TMEM108: variants seen among roughly 807,000 people sequenced by gnomAD.
TMEM108 encodes the protein cancer/testis antigen 124.
In TMEM108, 12 loss-of-function variants were observed where a neutral mutation model predicts 35.1. That is an observed-to-expected ratio of 0.34 (90% CI 0.22 to 0.55). The LOEUF is 0.55. TMEM108 is among the 20% of genes least tolerant of loss of function. TMEM108 has a pLI of 0.89. For missense variants in TMEM108, 680 were observed against 753.3 expected (o/e 0.90, Z 1.14); for synonymous variants, 287 against 308.6 (o/e 0.93, Z 0.73).
intron 4 of TMEM108, among the ~76,000 whole-genome samples, chr3:133,381,787 A>G (rs2073020165): frequency 6.6e-6 from 1 of 152,230 alleles, no homozygotes; most frequent in African/African-American, 2.4e-5. Flanking sequence ...GAAGTTCTAT[A>G]GCTTTGGCAA....
At chr3:133,256,246 G>A (rs978802031) in intron 3 of TMEM108, among the ~76,000 whole-genome samples, 7 of 152,184 alleles carry the variant, frequency 4.6e-5, no homozygotes, top group Admixed American at 6.5e-5. Flanking sequence ...ATTAAAGCAC[G>A]AGGGTAAAAT....
intron 3 of TMEM108, among the ~76,000 whole-genome samples, chr3:133,347,918 G>A (rs1468282316): frequency 6.6e-6 from 1 of 151,994 alleles, no homozygotes; most frequent in African/African-American, 2.4e-5. Context: ...TGAAGAGAGA[G>A]ATCACATTCT....
chr3:133,356,155 C>T (rs1034988326), intron 3 of TMEM108, among the ~76,000 whole-genome samples: 3 of 151,872 alleles, frequency 2.0e-5, no homozygotes, highest in Admixed American at 6.6e-5. Context: ...GTACACAAAT[C>T]AGTAGTACTG....
chr3:133,086,930 A>G (rs935317540), intron 2 of TMEM108, among the ~76,000 whole-genome samples: 1 of 152,218 alleles, frequency 6.6e-6, no homozygotes, highest in African/African-American at 2.4e-5. Flanking sequence ...TTACATCACA[A>G]AATGATTCAG....
At chr3:133,046,577 C>A (rs549780301) in intron 2 of TMEM108, among the ~76,000 whole-genome samples, 1 of 152,298 alleles carries the variant, frequency 6.6e-6, no homozygotes. Flanking sequence ...CACTGGAAGT[C>A]ACATGCCCAT....
intron 2 of TMEM108, among the ~76,000 whole-genome samples, chr3:133,106,096 T>G (rs1434672918): frequency 6.6e-6 from 1 of 151,032 alleles, no homozygotes; most frequent in East Asian, 1.9e-4. Flanking sequence ...AAGTGCAGAA[T>G]ATGGGAAGAC....
chr3:133,059,370 CTT>C (rs1246077548), intron 2 of TMEM108, among the ~76,000 whole-genome samples: 1 of 151,862 alleles, frequency 6.6e-6, no homozygotes, highest in Non-Finnish European at 1.5e-5. Flanking sequence ...GCTGGAGTGA[CTT>C]TTTTTTGGAA....
chr3:133,144,125 C>T lies in TMEM108; in HGVS notation c.-46-85141C>T, dbSNP rs930851096. On this transcript the variant is annotated intron_variant, in intron 2 of 5. Transcript: ENST00000321871. Reference sequence around the variant, plus strand: ...CTCCTAATGCTGTCTCTCCCCTAGCCGCCCACACCCTGACAGGCCCTGGTG... The same window carrying T: ...CTCCTAATGCTGTCTCTCCCCTAGCTGCCCACACCCTGACAGGCCCTGGTG... Among the ~76,000 whole-genome samples, 15 of 152,066 alleles carry T rather than the reference C, an allele frequency of 9.9e-5. No homozygotes were observed. The South Asian group carries it at 1.0e-3, about 11-fold the overall frequency.
At chr3:133,275,322 C>G (rs937361330) in intron 3 of TMEM108, among the ~76,000 whole-genome samples, 37 of 152,020 alleles carry the variant, frequency 2.4e-4, no homozygotes, top group African/African-American at 8.5e-4. Context: ...AAATAAAAAG[C>G]AAGTAAAATT....
chr3:133,326,202 G>T (rs1019698067), intron 3 of TMEM108, among the ~76,000 whole-genome samples: 3 of 152,128 alleles, frequency 2.0e-5, no homozygotes, highest in African/African-American at 7.2e-5. Flanking sequence ...ATTAGATTGG[G>T]GGCAAGCCTG....
intron 2 of TMEM108, among the ~76,000 whole-genome samples, chr3:133,056,268 T>C (rs949239210): frequency 3.3e-5 from 5 of 152,218 alleles, no homozygotes; most frequent in African/African-American, 1.2e-4. Flanking sequence ...CCCAAACTGG[T>C]CCTTGGTCCC....
chr3:133,378,399 G>A (rs368766365), intron 3 of TMEM108: 56 of 985,488 alleles, frequency 5.7e-5, no homozygotes, highest in African/African-American at 5.1e-4. Context: ...TGCTTTGGCC[G>A]TTTGTCCTGC....
At chr3:133,073,540 T>G (rs1943704796) in intron 2 of TMEM108, among the ~76,000 whole-genome samples, 2 of 103,130 alleles carry the variant, frequency 1.9e-5, no homozygotes, top group East Asian at 2.5e-4. Context: ...ATATATCACA[T>G]TTTCTTTATC....
chr3:133,242,757 A>T (rs78919921), intron 3 of TMEM108, among the ~76,000 whole-genome samples: 1 of 152,334 alleles, frequency 6.6e-6, no homozygotes, highest in East Asian at 1.9e-4. Flanking sequence ...AGTGAGTCAG[A>T]TTAACACTGA....
chr3:133,166,055 A>T (rs532322015), intron 2 of TMEM108, among the ~76,000 whole-genome samples: 1 of 152,370 alleles, frequency 6.6e-6, no homozygotes, highest in African/African-American at 2.4e-5. Context: ...TTTATGGCTG[A>T]TAGAACAGGG....
chr3:133,395,863 G>A lies in TMEM108; in HGVS notation c.1606-1G>A. ...TCCATCTCCTCCCTCTCTCTTCCCAGGACCAGCTCTCAGAGCCCCGCTCCC... is the reference window on the plus strand; with the variant it reads ...TCCATCTCCTCCCTCTCTCTTCCCAAGACCAGCTCTCAGAGCCCCGCTCCC... On this transcript the variant is annotated splice_acceptor_variant, in intron 5 of 5. Coordinates refer to ENST00000321871, the MANE Select transcript of TMEM108 (RefSeq NM_023943.4). LOFTEE classifies it high-confidence loss of function. The A allele has an allele frequency of 6.3e-7, 1 of 1,581,154 alleles. No homozygotes were observed. Among genetic ancestry groups the A allele is most frequent in the South Asian group, 1.2e-5 (1 of 85,584 alleles).
At chr3:133,243,307 C>G (rs980194814) in intron 3 of TMEM108, among the ~76,000 whole-genome samples, 5 of 152,052 alleles carry the variant, frequency 3.3e-5, no homozygotes, top group African/African-American at 9.7e-5. Flanking sequence ...AGGAGAATCC[C>G]TGAAGGAGGA....
At chr3:133,369,322 A>T (rs145938240) in intron 3 of TMEM108, among the ~76,000 whole-genome samples, 44 of 152,342 alleles carry the variant, frequency 2.9e-4, no homozygotes, top group African/African-American at 1.0e-3. Context: ...ATCACCGAGC[A>T]GGAAGGGAGT....
chr3:133,152,811 T>C (rs1429621902), intron 2 of TMEM108, among the ~76,000 whole-genome samples: 2 of 152,150 alleles, frequency 1.3e-5, no homozygotes, highest in Non-Finnish European at 2.9e-5. Flanking sequence ...ACAACAAGCA[T>C]TTCTGCCAGC....
Sources: allele counts gnomAD v4.1 joint callset (sites outside exome capture counted in the v4.1 genomes callset), GRCh38; gene constraint gnomAD v4.1.1; transcripts MANE v1.5; gene names NCBI Gene and HGNC (gene_info 2026-07-23, HGNC 2026-07-21).